PPP2R2B: variants seen among roughly 807,000 people sequenced by gnomAD.
The protein encoded by PPP2R2B is protein phosphatase 2 regulatory subunit Bbeta.
A neutral mutation model predicts 46.0 loss-of-function variants in PPP2R2B; 5 were observed. That is an observed-to-expected ratio of 0.11 (90% CI 0.06 to 0.23). The LOEUF (loss-of-function observed/expected upper bound fraction) is 0.23, where lower values mean the gene tolerates loss of function less well. Ranked by LOEUF, PPP2R2B falls within the 10% of genes least tolerant of loss-of-function variation. The pLI, the probability that PPP2R2B is intolerant of heterozygous loss-of-function variation, is 1.00. For missense variants in PPP2R2B, 367 were observed against 575.0 expected, an observed-to-expected ratio of 0.64 and a Z score of 3.70; for synonymous variants, 215 against 206.7, an observed-to-expected ratio of 1.04 and a Z score of -0.34.
At chr5:147,077,849 T>C (rs1757836496) in intron 2 of PPP2R2B, among the ~76,000 whole-genome samples, 1 of 152,242 alleles carries the variant, frequency 6.6e-6, no homozygotes, top group African/African-American at 2.4e-5. Flanking sequence ...AGCAGGCTAC[T>C]TTTGTATTAT....
intron 5 of PPP2R2B, among the ~76,000 whole-genome samples, chr5:146,668,875 C>T (rs575846727): frequency 3.3e-5 from 5 of 152,268 alleles, no homozygotes; most frequent in Admixed American, 6.5e-5. Context: ...AAGCAGGGCA[C>T]GGGTGGCATG....
chr5:146,619,592 A>T lies in PPP2R2B; in HGVS notation c.790+18659T>A, dbSNP rs1436848217. Among the ~76,000 whole-genome samples the T allele has an allele frequency of 3.3e-5, 5 of 152,254 alleles. No individual in the cohort carries two copies. The East Asian group carries it at 9.6e-4, about 29-fold the overall frequency. Reference sequence around the variant, plus strand: ...TTTGTAAGGCCTAAATTTTTTGAGGAACTCTAATTTTTTCATGTTAGCAAC... The same window carrying T: ...TTTGTAAGGCCTAAATTTTTTGAGGTACTCTAATTTTTTCATGTTAGCAAC... On this transcript the variant is annotated intron_variant, in intron 7 of 9. Coordinates refer to ENST00000394411, the MANE Select transcript of PPP2R2B (RefSeq NM_181675.4).
At position 146,899,235 on chromosome 5, in the gene PPP2R2B, G is replaced by C. The variant is rs1426828091; in HGVS notation, c.79+156430C>G. Reference sequence around the variant, plus strand: ...ACTTGGAACCAACCCAAGTGTCCAAGAATGATAGACTGGATTAAGAAAATG... The same window carrying C: ...ACTTGGAACCAACCCAAGTGTCCAACAATGATAGACTGGATTAAGAAAATG... On this transcript the variant is annotated intron_variant, in intron 1 of 8. Coordinates refer to the PPP2R2B transcript ENST00000336640. Among the ~76,000 whole-genome samples the C allele has an allele frequency of 3.4e-5, 5 of 145,840 alleles. No individual in the cohort carries two copies. The East Asian group carries it at 6.3e-4, about 18-fold the overall frequency.
chr5:146,640,889 C>T (rs1775164424), intron 6 of PPP2R2B, among the ~76,000 whole-genome samples: 2 of 152,190 alleles, frequency 1.3e-5, no homozygotes. Flanking sequence ...TCTTTCCTTC[C>T]TTCACTGGAC....
intron 1 of PPP2R2B, among the ~76,000 whole-genome samples, chr5:146,888,599 T>G (rs1762400480): frequency 6.6e-6 from 1 of 152,196 alleles, no homozygotes; most frequent in Non-Finnish European, 1.5e-5. Flanking sequence ...CTCAAAGGCT[T>G]TTATTGGCTT....
chr5:146,624,073 C>A (rs186744550), intron 7 of PPP2R2B, among the ~76,000 whole-genome samples: 36 of 152,164 alleles, frequency 2.4e-4, no homozygotes, highest in East Asian at 3.9e-4. Context: ...AGAAAAAAAA[C>A]CAATCATTGT....
chr5:146,938,400 A>T (rs979595858), intron 1 of PPP2R2B, among the ~76,000 whole-genome samples: 11 of 152,106 alleles, frequency 7.2e-5, no homozygotes, highest in Admixed American at 6.6e-4. Context: ...ACATTTCTGG[A>T]TGGCAATTTG....
At chr5:146,962,586 G>T (rs779404963) in intron 1 of PPP2R2B, among the ~76,000 whole-genome samples, 3 of 151,986 alleles carry the variant, frequency 2.0e-5, no homozygotes, top group Non-Finnish European at 4.4e-5. Flanking sequence ...GAACCCAGGA[G>T]GCAGAGGTTG....
At chr5:146,734,985 C>A (rs1752450973) in intron 2 of PPP2R2B, among the ~76,000 whole-genome samples, 1 of 152,138 alleles carries the variant, frequency 6.6e-6, no homozygotes, top group Non-Finnish European at 1.5e-5. Flanking sequence ...GGATGAATTT[C>A]TCTAGAAGAA....
chr5:146,796,186 T>A (rs896211492), intron 2 of PPP2R2B, among the ~76,000 whole-genome samples: 1 of 152,166 alleles, frequency 6.6e-6, no homozygotes, highest in Non-Finnish European at 1.5e-5. Flanking sequence ...TGCAGAAGCA[T>A]CTTGTTCTTA....
In PPP2R2B at chr5:146,589,604, C is replaced by A; in HGVS notation, c.*343G>T. The A allele has an allele frequency of 4.7e-6, 1 of 210,940 alleles. No homozygotes were observed. Among genetic ancestry groups the A allele is most frequent in the Non-Finnish European group, 9.5e-6 (1 of 105,404 alleles). The allele number at this position is 210,940 out of a possible 1,614,324, so 13.1% of individuals were successfully genotyped here. A position where few individuals can be genotyped will look rare whatever the true frequency, so the allele number is the denominator to read the frequency against. On this transcript the variant is annotated 3_prime_UTR_variant, in exon 10 of 10. Coordinates refer to ENST00000394411, the MANE Select transcript of PPP2R2B (RefSeq NM_181675.4). The stretch of plus-strand genomic sequence containing the variant: ...TTATCTCTTTTCTCCTTAAATACTA[C>A]AGACAACCTCATTTTATCGCAGCAG...
At chr5:146,620,469 G>A (rs968808745) in intron 7 of PPP2R2B, among the ~76,000 whole-genome samples, 2 of 152,204 alleles carry the variant, frequency 1.3e-5, no homozygotes, top group African/African-American at 4.8e-5. Flanking sequence ...AAGATGATGA[G>A]TTGGCAGTGA....
chr5:147,033,758 C>T (rs935989359), intron 1 of PPP2R2B, among the ~76,000 whole-genome samples: 16 of 152,146 alleles, frequency 1.1e-4, no homozygotes, highest in African/African-American at 3.9e-4. Context: ...CCTATCAACT[C>T]TGCCTCCAAA....
At chr5:147,011,169 T>G (rs1754713079) in intron 1 of PPP2R2B, among the ~76,000 whole-genome samples, 1 of 152,172 alleles carries the variant, frequency 6.6e-6, no homozygotes, top group South Asian at 2.1e-4. Flanking sequence ...TTTGATTTTG[T>G]TCTTCTTTGT....
intron 1 of PPP2R2B, among the ~76,000 whole-genome samples, chr5:146,999,307 G>T (rs984635509): frequency 6.6e-6 from 1 of 152,184 alleles, no homozygotes; most frequent in Non-Finnish European, 1.5e-5. Flanking sequence ...TGGTAAAAAT[G>T]ATGTCTAGCT....
chr5:146,870,117 G>A (rs887439569), intron 2 of PPP2R2B, among the ~76,000 whole-genome samples: 2 of 152,166 alleles, frequency 1.3e-5, no homozygotes, highest in Admixed American at 6.5e-5. Flanking sequence ...GTCAAGTGGA[G>A]GAGGCGGCCT....
chr5:146,992,653 C>T (rs890288358), intron 1 of PPP2R2B, among the ~76,000 whole-genome samples: 1 of 152,202 alleles, frequency 6.6e-6, no homozygotes, highest in South Asian at 2.1e-4. Context: ...ATGTGGTTTA[C>T]ACAGACACTT....
chr5:146,937,869 A>C (rs866907764), intron 1 of PPP2R2B, among the ~76,000 whole-genome samples: 3 of 152,180 alleles, frequency 2.0e-5, no homozygotes, highest in Non-Finnish European at 4.4e-5. Flanking sequence ...GTTTTGAAAG[A>C]AAATTCATTA....
chr5:146,806,333 AT>A (rs1280990380), intron 2 of PPP2R2B, among the ~76,000 whole-genome samples: 1 of 152,154 alleles, frequency 6.6e-6, no homozygotes, highest in Non-Finnish European at 1.5e-5. Context: ...TTGATGCTTC[AT>A]TTCCACCTTT....
Sources: allele counts gnomAD v4.1 joint callset (sites outside exome capture counted in the v4.1 genomes callset), GRCh38; gene constraint gnomAD v4.1.1; transcripts MANE v1.5; gene names NCBI Gene and HGNC (gene_info 2026-07-23, HGNC 2026-07-21).